Variants in DIP2A observed in about 807,000 individuals in gnomAD.
DIP2A encodes DIP2 acetate--CoA ligase A.
Under a neutral mutation model 177.4 loss-of-function variants are expected in DIP2A, and 85 were observed. The ratio of observed to expected loss-of-function variants is 0.48; its 90% CI spans 0.40 to 0.57. The LOEUF is 0.57. DIP2A is among the 20% of genes least tolerant of loss of function. The pLI, the probability that DIP2A is intolerant of heterozygous loss-of-function variation, is 0.00. For synonymous variants in DIP2A, 886 were observed against 881.8 expected, an observed-to-expected ratio of 1.00 and a Z score of -0.08; for missense variants, 1,791 against 2,100.2, an observed-to-expected ratio of 0.85 and a Z score of 2.88.
rs754827847 is a variant in DIP2A, at chr21:46,534,673, G to C, written c.1628G>C (p.Cys543Ser). ...CAGTGCCGGGCTCTGACCCAGGCGT[G>C]CGGGTACTCAGAAGGTAAGGGCTCT... is the stretch of plus-strand genomic sequence containing the variant. ...LAQCRALTQA[C>S]GYSEAETLTN... The change falls in exon 13 of 38, where the codon TGC becomes TCC. Residue 543 changes from cysteine (C) to serine (S), a missense_variant. By Grantham distance (112) the Cys-to-Ser change is moderately radical (BLOSUM62 -1). Coordinates refer to ENST00000417564, the MANE Select transcript of DIP2A (RefSeq NM_015151.4). 1 of 1,609,748 alleles carries C rather than the reference G, an allele frequency of 6.2e-7. No individual in the cohort carries two copies. Among genetic ancestry groups the C allele is most frequent in the Admixed American group, 1.7e-5 (1 of 59,998 alleles).
intron 10 of DIP2A, among the ~76,000 whole-genome samples, chr21:46,532,604 A>G (rs559497679): frequency 1.3e-5 from 2 of 152,308 alleles, no homozygotes; most frequent in Admixed American, 6.5e-5. Flanking sequence ...TCAAAACCAT[A>G]TGTTTATAGA....
intron 32 of DIP2A, among the ~76,000 whole-genome samples, chr21:46,560,039 C>G (rs2060612682): frequency 6.6e-6 from 1 of 152,186 alleles, no homozygotes; most frequent in Non-Finnish European, 1.5e-5. Flanking sequence ...AAAAGTAAAA[C>G]TATTTTCAAA....
intron 21 of DIP2A, among the ~76,000 whole-genome samples, chr21:46,549,492 C>A (rs1378238827): frequency 1.3e-5 from 2 of 152,172 alleles, no homozygotes; most frequent in African/African-American, 4.8e-5. Flanking sequence ...AGGAAATTTA[C>A]ATCAGATTAA....
rs778157851 is a variant in DIP2A, at chr21:46,556,981, C to T, written c.3541C>T (p.Leu1181=). The T allele has an allele frequency of 6.3e-7, 1 of 1,599,814 alleles. No homozygotes were observed. Among genetic ancestry groups the T allele is most frequent in the South Asian group, 1.1e-5 (1 of 89,002 alleles). The change falls in exon 30 of 38, where the codon CTG becomes TTG. Residue 1181 remains leucine, a synonymous_variant. Coordinates refer to ENST00000417564, the MANE Select transcript of DIP2A (RefSeq NM_015151.4). The surrounding 1 kb of genome is among the most constrained non-coding windows in gnomAD (Gnocchi z 4.5). ...AAGCGCCTTATGCCGCTCCATAAAGCTGCAGTGTGAGCTGTACCCCTCGCG... is the reference window on the plus strand; with the variant it reads ...AAGCGCCTTATGCCGCTCCATAAAGTTGCAGTGTGAGCTGTACCCCTCGCG... ...ATSALCRSIK[L]QCELYPSRQI... is the part of the protein sequence containing the mutation.
intron 19 of DIP2A, 135 bp from the exon 20 acceptor site, chr21:46,545,746 T>C: frequency 1.9e-6 from 2 of 1,038,010 alleles, no homozygotes; most frequent in East Asian, 4.8e-5. Context: ...ACTGGGCCTA[T>C]GCAGGGCCAG....
In DIP2A at chr21:46,549,882, G is replaced by T; in HGVS notation, c.2634G>T (p.Leu878=). 1 of 1,610,522 alleles carries T rather than the reference G, an allele frequency of 6.2e-7. No homozygotes were observed. The highest frequency in any genetic ancestry group is 8.5e-7 in the Non-Finnish European group (1 of 1,179,882). Residue 878 remains leucine (L), a synonymous_variant, in exon 22 of 38, where the codon CTG becomes CTT. Coordinates refer to ENST00000417564, the MANE Select transcript of DIP2A (RefSeq NM_015151.4). ...GCTTCCAGTGGATGAGCCGTGTGCT[G>T]CAGGTGGGCGCCCCGGCACGGCCTA... ...EDSFQWMSRV[L]QAIDSIHQVG...
chr21:46,492,439 G>C (rs1292390874), intron 3 of DIP2A, among the ~76,000 whole-genome samples: 1 of 152,142 alleles, frequency 6.6e-6, no homozygotes, highest in South Asian at 2.1e-4. Flanking sequence ...CTTCAACTTT[G>C]TTTCTTATCT....
Position 46,498,091 on chromosome 21 carries a change from G to A in DIP2A, c.404-491G>A, listed in dbSNP as rs901563255. 7.2e-5 allele frequency among the ~76,000 whole-genome samples: 11 copies of A among 152,178 alleles called. No homozygotes were observed. The highest frequency in any genetic ancestry group is 1.2e-4 in the Non-Finnish European group (8 of 68,034). ...AAAGGATGCATGTAGACAGGGCTGCGGTTCTCCCATGGCCACCATGTTGTT... is the reference window on the plus strand; with the variant it reads ...AAAGGATGCATGTAGACAGGGCTGCAGTTCTCCCATGGCCACCATGTTGTT... On this transcript the variant is annotated intron_variant, in intron 4 of 37. Coordinates refer to ENST00000417564, the MANE Select transcript of DIP2A (RefSeq NM_015151.4). This position sits in a 1 kb window ranked among gnomAD's most constrained non-coding sequence, Gnocchi z 4.3.
chr21:46,562,070 G>A (rs1385872461), intron 34 of DIP2A, among the ~76,000 whole-genome samples: 1 of 152,242 alleles, frequency 6.6e-6, no homozygotes, highest in African/African-American at 2.4e-5. Flanking sequence ...CCCGCTGGGT[G>A]GGTGGCAGGC....
chr21:46,540,795 C>T (rs1434139588), intron 17 of DIP2A, among the ~76,000 whole-genome samples: 2 of 152,112 alleles, frequency 1.3e-5, no homozygotes, highest in African/African-American at 4.8e-5. Flanking sequence ...AGGTGGATCA[C>T]CTTAGGTTAG....
At chr21:46,558,628 A>T in intron 32 of DIP2A, 1 of 564,366 alleles carries the variant, frequency 1.8e-6, no homozygotes, top group Non-Finnish European at 3.2e-6. Flanking sequence ...TTGAACAGTG[A>T]CTAATAACTG....
chr21:46,540,116 G>T (rs968315992), intron 17 of DIP2A, 125 bp downstream of exon 17: 9 of 744,582 alleles, frequency 1.2e-5, no homozygotes, highest in Non-Finnish European at 2.0e-5. Context: ...GTACCTTGGT[G>T]CCTGGCCCCC....
intron 8 of DIP2A, among the ~76,000 whole-genome samples, chr21:46,518,118 G>A (rs556859382): frequency 1.3e-5 from 2 of 152,306 alleles, no homozygotes; most frequent in East Asian, 3.9e-4. Flanking sequence ...TTTCTGTTGA[G>A]GAATGAATAT....
At chr21:46,561,543 G>A (rs568064361) in intron 33 of DIP2A, 134 of 678,650 alleles carry the variant, frequency 2.0e-4, no homozygotes, top group Admixed American at 9.1e-4. Context: ...GGTGGGTGGC[G>A]AGTGCATGCG....
chr21:46,510,560 T>C (rs907014225), intron 7 of DIP2A, among the ~76,000 whole-genome samples: 1 of 151,504 alleles, frequency 6.6e-6, no homozygotes, highest in African/African-American at 2.4e-5. Context: ...AGAAAAAGAT[T>C]AATTCTTTTT....
intron 23 of DIP2A, 128 bp downstream of exon 23, chr21:46,550,872 C>A: frequency 3.0e-6 from 3 of 989,006 alleles, no homozygotes; most frequent in Non-Finnish European, 3.0e-6. Context: ...GGGTCAAGAG[C>A]CAGAGCGAGT....
chr21:46,492,133 C>G (rs1393215523), intron 3 of DIP2A, among the ~76,000 whole-genome samples: 1 of 152,022 alleles, frequency 6.6e-6, no homozygotes, highest in Non-Finnish European at 1.5e-5. Flanking sequence ...TTTTAGTGCC[C>G]TTAAGTTTGT....
intron 25 of DIP2A, chr21:46,553,173 CAT>C (rs1374312186): frequency 6.6e-6 from 1 of 152,204 alleles, no homozygotes; most frequent in African/African-American, 2.4e-5. Flanking sequence ...GGCCCTGACT[CAT>C]ATGGACTGGC....
rs2148818914 is a variant in DIP2A, at chr21:46,541,822, T to C, written c.2103T>C (p.Gly701=). ...TGTCGATGAACGGTCTAAGTTATGG[T>C]GTTATCAGAGTGGATACTGAAGAAA... ...AVLSMNGLSY[G]VIRVDTEEKL... The change falls in exon 18 of 38, where the codon GGT becomes GGC. Residue 701 remains glycine, a synonymous_variant. Coordinates refer to ENST00000417564, the MANE Select transcript of DIP2A (RefSeq NM_015151.4). 6.2e-7 allele frequency: 1 copy of C among 1,614,026 alleles called. No individual in the cohort carries two copies. Among genetic ancestry groups the C allele is most frequent in the Middle Eastern group, 1.6e-4 (1 of 6,062 alleles).
Sources: gnomAD v4.1 joint callset for allele counts (sites outside exome capture counted in the v4.1 genomes callset) on GRCh38, gnomAD v4.1.1 for gene constraint, Gnocchi (gnomAD v3.1) non-coding constraint, MANE v1.5 for transcripts, NCBI Gene and HGNC (gene_info 2026-07-23, HGNC 2026-07-21) for gene names.